The following THUMPD2 variants were observed in gnomAD, a reference collection of about 807,000 sequenced individuals.
The protein encoded by THUMPD2 is THUMP domain 2 tRNA and snRNA guanosine methyltransferase.
THUMPD2 carries 56 observed loss-of-function variants against 49.4 expected under a neutral mutation model. The ratio of observed to expected loss-of-function variants is 1.13; its 90% CI spans 0.91 to 1.41. The LOEUF (loss-of-function observed/expected upper bound fraction) is 1.41, where lower values mean the gene tolerates loss of function less well. Ranked by LOEUF, THUMPD2 falls within the 40% of genes most tolerant of loss-of-function variation. The pLI, the probability that THUMPD2 is intolerant of heterozygous loss-of-function variation, is 0.00. For synonymous variants in THUMPD2, 237 were observed against 205.2 expected (o/e 1.15, Z -1.32); for missense variants, 709 against 594.5 (o/e 1.19, Z -2.00).
intron 3 of THUMPD2, chr2:39,769,150 G>A: frequency 8.2e-7 from 1 of 1,225,062 alleles, no homozygotes; most frequent in South Asian, 1.3e-5. Context: ...AACCCCAAAA[G>A]CTGAGGACTA....
chr2:39,752,801 A>T (rs953983780), intron 8 of THUMPD2, among the ~76,000 whole-genome samples: 2 of 152,228 alleles, frequency 1.3e-5, no homozygotes, highest in African/African-American at 2.4e-5. Context: ...TGTAGAGTTT[A>T]AAAAATTGTA....
At chr2:39,771,953 T>C (rs1678380684) in intron 1 of THUMPD2, among the ~76,000 whole-genome samples, 2 of 152,138 alleles carry the variant, frequency 1.3e-5, no homozygotes, top group East Asian at 1.9e-4. Flanking sequence ...GCATAAAACA[T>C]ATATCCTGAA....
At chr2:39,747,535 CTTTA>C (rs1187011639) in intron 8 of THUMPD2, among the ~76,000 whole-genome samples, 2 of 152,030 alleles carry the variant, frequency 1.3e-5, no homozygotes, top group Non-Finnish European at 2.9e-5. Flanking sequence ...TAACTATGCT[CTTTA>C]TTTTATATGA....
At chr2:39,758,443 C>G (rs1352059681) in intron 6 of THUMPD2, among the ~76,000 whole-genome samples, 1 of 152,194 alleles carries the variant, frequency 6.6e-6, no homozygotes, top group South Asian at 2.1e-4. Flanking sequence ...GGCTCTGTCA[C>G]AGTCCCAGAA....
At chr2:39,746,369 C>T (rs755900072) in intron 8 of THUMPD2, among the ~76,000 whole-genome samples, 12 of 152,098 alleles carry the variant, frequency 7.9e-5, no homozygotes, top group African/African-American at 2.9e-4. Context: ...CAACTTAGTG[C>T]GTATTAGAAT....
chr2:39,769,475 T>C (rs1572868331), intron 3 of THUMPD2: 1 of 382,008 alleles, frequency 2.6e-6, no homozygotes, highest in Non-Finnish European at 4.6e-6. Context: ...GCCGAGGTGG[T>C]TGGATCACTT....
At chr2:39,772,528 A>G (rs1239750182) in intron 1 of THUMPD2, among the ~76,000 whole-genome samples, 2 of 152,350 alleles carry the variant, frequency 1.3e-5, no homozygotes, top group African/African-American at 2.4e-5. Context: ...AGACATATGC[A>G]TCAAACAGAA....
intron 8 of THUMPD2, among the ~76,000 whole-genome samples, chr2:39,747,189 T>TA (rs1674718037): frequency 6.6e-6 from 1 of 152,238 alleles, no homozygotes. Flanking sequence ...ACTTTGTAAA[T>TA]AGCATCTCAG....
chr2:39,737,668 A>AT (rs1225365535), intron 9 of THUMPD2, among the ~76,000 whole-genome samples: 1 of 152,212 alleles, frequency 6.6e-6, no homozygotes, highest in Non-Finnish European at 1.5e-5. Context: ...CAAGGCAAGC[A>AT]TGAGGGGCTT....
intron 6 of THUMPD2, among the ~76,000 whole-genome samples, chr2:39,759,318 T>C (rs868233352): frequency 2.0e-5 from 3 of 152,226 alleles, no homozygotes; most frequent in African/African-American, 7.2e-5. Context: ...GTTCTAGTTA[T>C]TAACTACAAT....
intron 5 of THUMPD2, among the ~76,000 whole-genome samples, chr2:39,762,984 G>C (rs150351688): frequency 5.3e-5 from 8 of 151,672 alleles, no homozygotes; most frequent in Middle Eastern, 3.4e-3. Flanking sequence ...TTAAACCTGG[G>C]CAAAATTATC....
intron 1 of THUMPD2, 37 bp downstream of exon 1, chr2:39,779,077 C>G: frequency 6.7e-7 from 1 of 1,482,030 alleles, no homozygotes; most frequent in South Asian, 1.3e-5. Flanking sequence ...GGGACAGGGC[C>G]GCCCACCTCC....
intron 1 of THUMPD2, among the ~76,000 whole-genome samples, chr2:39,773,173 C>T (rs1678566192): frequency 6.6e-6 from 1 of 152,158 alleles, no homozygotes; most frequent in South Asian, 2.1e-4. Flanking sequence ...AAAGTATATA[C>T]TTCAAAATGC....
intron 8 of THUMPD2, among the ~76,000 whole-genome samples, chr2:39,751,541 A>C (rs1217861946): frequency 6.6e-6 from 1 of 152,176 alleles, no homozygotes; most frequent in Non-Finnish European, 1.5e-5. Flanking sequence ...TGAGAATGTA[A>C]ATATATCTGC....
rs1044511470 is a variant in THUMPD2, at chr2:39,761,233, G to C, written c.891+98C>G. The C allele has an allele frequency of 1.6e-5, 17 of 1,096,324 alleles. No homozygotes were observed. The African/African-American group carries it at 2.0e-4, about 13-fold the overall frequency. 67.9% of individuals were successfully genotyped at this position (1,096,324 alleles called of 1,614,324 possible). ...AGTTAAAGAAAAAGCGTCAAGAAAA[G>C]AAAAAGCAAGTAACATAAATATCCA... On this transcript the variant is annotated intron_variant, in intron 6 of 9. Coordinates refer to ENST00000505747, the MANE Select transcript of THUMPD2 (RefSeq NM_025264.5).
At chr2:39,776,030 C>A (rs919914624) in intron 1 of THUMPD2, among the ~76,000 whole-genome samples, 1 of 152,104 alleles carries the variant, frequency 6.6e-6, no homozygotes, top group Admixed American at 6.5e-5. Context: ...TTCTGGTGAA[C>A]TGACATTAGA....
At chr2:39,741,236 C>G (rs1673862129) in intron 9 of THUMPD2, among the ~76,000 whole-genome samples, 1 of 152,118 alleles carries the variant, frequency 6.6e-6, no homozygotes, top group Admixed American at 6.6e-5. Flanking sequence ...GTAGATGGTA[C>G]AAATAATCTT....
chr2:39,748,484 T>C (rs530302720), intron 8 of THUMPD2, among the ~76,000 whole-genome samples: 27 of 152,116 alleles, frequency 1.8e-4, no homozygotes, highest in Admixed American at 3.3e-4. Flanking sequence ...AGGTGGATCA[T>C]GAGGTCAAGA....
intron 1 of THUMPD2, 79 bp from the exon 2 acceptor site, chr2:39,771,719 T>A: frequency 7.2e-7 from 1 of 1,387,320 alleles, no homozygotes; most frequent in Non-Finnish European, 9.8e-7. Flanking sequence ...ATATAGCATC[T>A]AAATTAAAAA....
Sources: gnomAD v4.1 joint callset for allele counts (sites outside exome capture counted in the v4.1 genomes callset) on GRCh38, gnomAD v4.1.1 for gene constraint, MANE v1.5 for transcripts, NCBI Gene and HGNC (gene_info 2026-07-23, HGNC 2026-07-21) for gene names.